The following LINGO2 variants were observed in gnomAD, a reference collection of about 807,000 sequenced individuals.
LINGO2 encodes the protein leucine rich repeat and Ig domain containing 2.
In LINGO2, 14 loss-of-function variants were observed where a neutral mutation model predicts 30.6. The ratio of observed to expected loss-of-function variants is 0.46; its 90% CI spans 0.30 to 0.72. The LOEUF is 0.72. Ranked by LOEUF, LINGO2 falls within the 30% of genes least tolerant of loss-of-function variation. The probability of loss-of-function intolerance (pLI) is 0.07; values close to 1 mark genes in which losing one functional copy is unlikely to be tolerated. For missense variants in LINGO2, 729 were observed against 751.7 expected, an observed-to-expected ratio of 0.97 and a Z score of 0.35; for synonymous variants, 317 against 288.5, an observed-to-expected ratio of 1.10 and a Z score of -1.00.
chr9:28,706,757 T>C, the LINGO2 span, among the ~76,000 whole-genome samples: 2 of 152,148 alleles, frequency 1.3e-5, no homozygotes, highest in Admixed American at 1.3e-4. Flanking sequence ...AGTCTCACAC[T>C]TGTGTATCAC....
At chr9:28,037,093 C>T (rs762826092) in intron 4 of LINGO2, among the ~76,000 whole-genome samples, 3 of 152,074 alleles carry the variant, frequency 2.0e-5, no homozygotes, top group Non-Finnish European at 2.9e-5. Context: ...TCTAAGGATC[C>T]GAGTTCAAGC....
chr9:28,757,860 C>T, the LINGO2 span, among the ~76,000 whole-genome samples: 1 of 152,054 alleles, frequency 6.6e-6, no homozygotes, highest in Non-Finnish European at 1.5e-5. Flanking sequence ...CAGATAACTC[C>T]TATATAAATT....
the LINGO2 span, among the ~76,000 whole-genome samples, chr9:28,950,651 A>G: frequency 2.6e-5 from 4 of 152,150 alleles, no homozygotes; most frequent in Non-Finnish European, 5.9e-5. Context: ...CAAAATTGCT[A>G]CAAAGAAAAT....
At chr9:28,271,302 A>G (rs1822932377) in intron 4 of LINGO2, among the ~76,000 whole-genome samples, 1 of 152,134 alleles carries the variant, frequency 6.6e-6, no homozygotes, top group Admixed American at 6.5e-5. Flanking sequence ...ACTTTTTCCC[A>G]CTAAGACATT....
At chr9:29,070,885 T>A in the LINGO2 span, among the ~76,000 whole-genome samples, 1 of 150,906 alleles carries the variant, frequency 6.6e-6, no homozygotes, top group East Asian at 1.9e-4. Context: ...ATATTAATTG[T>A]ATATATATGA....
chr9:28,541,096 A>G (rs572769856), intron 1 of LINGO2, among the ~76,000 whole-genome samples: 11 of 152,342 alleles, frequency 7.2e-5, no homozygotes, highest in Non-Finnish European at 1.6e-4. Flanking sequence ...GAAAGAGTGA[A>G]TAATAAAAAT....
intron 4 of LINGO2, among the ~76,000 whole-genome samples, chr9:28,164,688 T>G (rs1828378762): frequency 1.3e-5 from 2 of 152,180 alleles, no homozygotes. Context: ...GCAATACATC[T>G]GGTCTGCTTT....
chr9:29,086,317 A>T, the LINGO2 span, among the ~76,000 whole-genome samples: 7 of 152,180 alleles, frequency 4.6e-5, no homozygotes, highest in Non-Finnish European at 4.4e-5. Context: ...TCTATGAAAT[A>T]GAGCCCTAAA....
At chr9:27,953,170 G>A (rs1819397343) in intron 5 of LINGO2, among the ~76,000 whole-genome samples, 1 of 152,038 alleles carries the variant, frequency 6.6e-6, no homozygotes, top group Non-Finnish European at 1.5e-5. Flanking sequence ...AACAAGGGTA[G>A]AAGAAAATGA....
chr9:28,835,175 T>G, the LINGO2 span, among the ~76,000 whole-genome samples: 1 of 152,136 alleles, frequency 6.6e-6, no homozygotes, highest in African/African-American at 2.4e-5. Context: ...AAAAAGGCAT[T>G]AAATATTTGC....
chr9:28,590,143 C>T (rs1824799556), intron 1 of LINGO2, among the ~76,000 whole-genome samples: 1 of 152,086 alleles, frequency 6.6e-6, no homozygotes, highest in South Asian at 2.1e-4. Flanking sequence ...ACACCTTATA[C>T]AAAAATTAAT....
At chr9:29,140,089 T>C in the LINGO2 span, among the ~76,000 whole-genome samples, 2 of 152,168 alleles carry the variant, frequency 1.3e-5, no homozygotes, top group Non-Finnish European at 2.9e-5. Flanking sequence ...GGGAAGGTCT[T>C]TCCTGTATGA....
chr9:27,985,241 C>T (rs1821070666), intron 5 of LINGO2, among the ~76,000 whole-genome samples: 1 of 151,820 alleles, frequency 6.6e-6, no homozygotes, highest in Admixed American at 6.6e-5. Flanking sequence ...ATTTTTCTTC[C>T]ACTTATTTTT....
chr9:27,997,956 G>A (rs531984993), intron 5 of LINGO2, among the ~76,000 whole-genome samples: 2 of 151,628 alleles, frequency 1.3e-5, no homozygotes, highest in East Asian at 3.9e-4. Flanking sequence ...CCTTTTTTTG[G>A]GGTGGGAGGG....
At chr9:28,393,562 G>C (rs905110316) in intron 2 of LINGO2, among the ~76,000 whole-genome samples, 1 of 152,150 alleles carries the variant, frequency 6.6e-6, no homozygotes, top group African/African-American at 2.4e-5. Context: ...ACAATATACT[G>C]AACCACAAGG....
chr9:28,330,831 C>T (rs558928297), intron 3 of LINGO2, among the ~76,000 whole-genome samples: 37 of 152,176 alleles, frequency 2.4e-4, no homozygotes, highest in Admixed American at 7.2e-4. Context: ...AGAGTGACCA[C>T]AAATTTTGGA....
At chr9:28,185,465 C>T (rs1467503780) in intron 4 of LINGO2, among the ~76,000 whole-genome samples, 1 of 151,882 alleles carries the variant, frequency 6.6e-6, no homozygotes, top group Non-Finnish European at 1.5e-5. Flanking sequence ...AAAATGTGGC[C>T]TAGTTTATGC....
chr9:28,501,669 A>T lies in LINGO2; in HGVS notation c.-364-25644T>A, dbSNP rs902334520. 5.9e-5 allele frequency among the ~76,000 whole-genome samples: 9 copies of T among 152,268 alleles called. No homozygotes were observed. The East Asian group carries it at 1.7e-3, about 29-fold the overall frequency. ...ACCTGTCTACCTATGTTCTGTTTTTAAGAGGCATACCTAAGAAACACACAC... is the reference window on the plus strand; with the variant it reads ...ACCTGTCTACCTATGTTCTGTTTTTTAGAGGCATACCTAAGAAACACACAC... On this transcript the variant is annotated intron_variant, in intron 1 of 5. Coordinates refer to ENST00000379992, the Ensembl canonical transcript of LINGO2.
At chr9:28,174,662 T>A (rs937757134) in intron 4 of LINGO2, among the ~76,000 whole-genome samples, 78 of 152,336 alleles carry the variant, frequency 5.1e-4, no homozygotes, top group African/African-American at 1.8e-3. Flanking sequence ...CATTGTACCC[T>A]GTACTACCAT....
Sources: gnomAD v4.1 joint callset for allele counts (sites outside exome capture counted in the v4.1 genomes callset) on GRCh38, gnomAD v4.1.1 for gene constraint, MANE v1.5 for transcripts, NCBI Gene and HGNC (gene_info 2026-07-23, HGNC 2026-07-21) for gene names.